UNC5D: variants seen among roughly 807,000 people sequenced by gnomAD.
The protein encoded by UNC5D is netrin receptor UNC5D.
A neutral mutation model predicts 105.4 loss-of-function variants in UNC5D; 39 were observed. That is an observed-to-expected ratio of 0.37 (90% CI 0.29 to 0.48). UNC5D has a LOEUF of 0.48. UNC5D is among the 20% of genes least tolerant of loss of function. The pLI is 0.98. For missense variants in UNC5D, 991 were observed against 1,202.4 expected (o/e 0.82, Z 2.60); for synonymous variants, 452 against 450.4 (o/e 1.00, Z -0.04).
chr8:35,698,236 C>CTTT (rs397893134), intron 7 of UNC5D, among the ~76,000 whole-genome samples: 2 of 139,840 alleles, frequency 1.4e-5, no homozygotes, highest in African/African-American at 2.6e-5. Flanking sequence ...CACATAGCTC[C>CTTT]TTTTTTTTTT....
At chr8:35,392,497 GC>G (rs1348350377) in intron 1 of UNC5D, among the ~76,000 whole-genome samples, 1 of 152,126 alleles carries the variant, frequency 6.6e-6, no homozygotes, top group Non-Finnish European at 1.5e-5. Flanking sequence ...GGGATTACTG[GC>G]CTGATCCACC....
intron 12 of UNC5D, 142 bp downstream of exon 12, chr8:35,748,837 C>A: frequency 1.2e-6 from 1 of 859,374 alleles, no homozygotes; most frequent in Non-Finnish European, 1.7e-6. Flanking sequence ...ATATCCTAAA[C>A]ATATTGGCTA....
At chr8:35,622,058 A>AG (rs991044301) in intron 4 of UNC5D, among the ~76,000 whole-genome samples, 1 of 152,136 alleles carries the variant, frequency 6.6e-6, no homozygotes, top group African/African-American at 2.4e-5. Context: ...AAATCCTGAG[A>AG]GGGGGCCGGG....
chr8:35,755,253 G>T (rs1830461970), intron 13 of UNC5D, among the ~76,000 whole-genome samples: 1 of 151,928 alleles, frequency 6.6e-6, no homozygotes, highest in African/African-American at 2.4e-5. Flanking sequence ...ATCTAAGAAA[G>T]AAAATAGAAA....
At chr8:35,601,115 T>A (rs909241561) in intron 4 of UNC5D, among the ~76,000 whole-genome samples, 9 of 152,174 alleles carry the variant, frequency 5.9e-5, no homozygotes, top group Non-Finnish European at 1.2e-4. Context: ...GTTGTAGATA[T>A]GCGGCATTAT....
At chr8:35,570,452 A>G (rs2130794952) in intron 3 of UNC5D, among the ~76,000 whole-genome samples, 1 of 152,350 alleles carries the variant, frequency 6.6e-6, no homozygotes, top group Non-Finnish European at 1.5e-5. Context: ...AGCATTTATC[A>G]ATCATCGGCT....
rs538041170 is a variant in UNC5D, at chr8:35,662,931, CT to C, written c.571-20614del. Among the ~76,000 whole-genome samples the C allele has an allele frequency of 1.3e-3, 196 of 152,292 alleles. 1 individual carries two copies. The highest frequency in any genetic ancestry group is 4.5e-3 in the African/African-American group (189 of 41,562). On this transcript the variant is annotated intron_variant, in intron 4 of 16. Coordinates refer to ENST00000404895, the MANE Select transcript of UNC5D (RefSeq NM_080872.4). ...AGATTCTCATAGGAGCGCAAACTCT[CT>C]TGTGAACTGCGTATGCGAGGGATCT...
chr8:35,386,046 T>G, intron 1 of UNC5D, among the ~76,000 whole-genome samples: 1 of 152,202 alleles, frequency 6.6e-6, no homozygotes, highest in Non-Finnish European at 1.5e-5. Context: ...TAATTGTTGT[T>G]CATACTTAAA....
At chr8:35,539,728 AG>A (rs1194827698) in intron 1 of UNC5D, among the ~76,000 whole-genome samples, 13 of 152,182 alleles carry the variant, frequency 8.5e-5, no homozygotes. Context: ...CAGTCAAATC[AG>A]CCTATATTTA....
At chr8:35,648,678 C>CAAA (rs1251731084) in intron 4 of UNC5D, among the ~76,000 whole-genome samples, 39 of 45,802 alleles carry the variant, frequency 8.5e-4, no homozygotes, top group African/African-American at 1.5e-3. Context: ...GAGTCCGTCT[C>CAAA]AAAAAAAAAA....
rs1803225250 is a variant in UNC5D, at chr8:35,795,612, ACACAG to A, written c.*5053_*5057del. The A allele has an allele frequency of 6.6e-6, 1 of 152,178 alleles. No homozygotes were observed. The highest frequency in any genetic ancestry group is 1.5e-5 in the Non-Finnish European group (1 of 68,022). The allele number at this position is 152,178 out of a possible 1,614,324, so 9.4% of individuals were successfully genotyped here. ...TAACTAGTTCCAGTGATGCTGAGAGACACAGCACCCTGTGCCAGGTATCAGAAATA... is the reference window on the plus strand; with the variant it reads ...TAACTAGTTCCAGTGATGCTGAGAGACACCCTGTGCCAGGTATCAGAAATA... On this transcript the variant is annotated 3_prime_UTR_variant, in exon 17 of 17. Coordinates refer to ENST00000404895, the MANE Select transcript of UNC5D (RefSeq NM_080872.4).
intron 1 of UNC5D, among the ~76,000 whole-genome samples, chr8:35,389,738 TA>T (rs5890808): frequency 0.84 from 106,291 of 126,438 alleles, 44,710 homozygotes; most frequent in East Asian, 0.96. Context: ...CTGGCTGATT[TA>T]AAAAAAAAAA....
chr8:35,502,003 A>G (rs1224416336), intron 1 of UNC5D, among the ~76,000 whole-genome samples: 1 of 152,250 alleles, frequency 6.6e-6, no homozygotes, highest in Admixed American at 6.5e-5. Flanking sequence ...TAAAATATGA[A>G]TTTATAAGAC....
intron 1 of UNC5D, among the ~76,000 whole-genome samples, chr8:35,238,047 A>T (rs1249403458): frequency 6.6e-6 from 1 of 152,192 alleles, no homozygotes; most frequent in African/African-American, 2.4e-5. Flanking sequence ...GGTTGTTCTT[A>T]CTTATCCAAT....
chr8:35,684,730 C>T lies in UNC5D; in HGVS notation c.900C>T (p.Thr300=), dbSNP rs370616806. The change falls in exon 6 of 17, where the codon ACC becomes ACT. Residue 300 remains threonine (T), a synonymous_variant. Transcript: ENST00000404895. ...FCEGMSVQKI[T]CTSLCPVDGS... The stretch of plus-strand genomic sequence containing the variant: ...AGGGAATGTCAGTGCAGAAAATAAC[C>T]TGCACTTCTCTTTGTCCTGGTGAGA... The T allele has an allele frequency of 1.4e-5, 23 of 1,613,308 alleles. No homozygotes were observed. The highest frequency in any genetic ancestry group is 1.9e-5 in the Non-Finnish European group (22 of 1,179,616).
chr8:35,304,029 G>A (rs993809830), intron 1 of UNC5D, among the ~76,000 whole-genome samples: 5 of 152,072 alleles, frequency 3.3e-5, no homozygotes, highest in Admixed American at 2.0e-4. Context: ...AGGGACTCAC[G>A]TGGATCTCTC....
intron 4 of UNC5D, among the ~76,000 whole-genome samples, chr8:35,631,736 T>A (rs1050125171): frequency 6.6e-6 from 1 of 152,182 alleles, no homozygotes; most frequent in African/African-American, 2.4e-5. Flanking sequence ...ACCCATAATA[T>A]AAGGATATTG....
chr8:35,603,417 A>G (rs1286207878), intron 4 of UNC5D, among the ~76,000 whole-genome samples: 1 of 152,196 alleles, frequency 6.6e-6, no homozygotes, highest in African/African-American at 2.4e-5. Context: ...ACAGTTTGCT[A>G]TAATTTCTGT....
At chr8:35,482,414 T>C (rs1810541584) in intron 1 of UNC5D, among the ~76,000 whole-genome samples, 1 of 152,162 alleles carries the variant, frequency 6.6e-6, no homozygotes, top group African/African-American at 2.4e-5. Flanking sequence ...CGTGCTGACA[T>C]TGTTGTTCTA....
Sources: allele counts gnomAD v4.1 joint callset (sites outside exome capture counted in the v4.1 genomes callset), GRCh38; gene constraint gnomAD v4.1.1; transcripts MANE v1.5; gene names NCBI Gene and HGNC (gene_info 2026-07-23, HGNC 2026-07-21).